The following MITD1 variants were observed in gnomAD, a reference collection of about 807,000 sequenced individuals.
MITD1 encodes MIT domain-containing protein 1.
MITD1 carries 24 observed loss-of-function variants against 34.9 expected under a neutral mutation model. That is an observed-to-expected ratio of 0.69 (90% CI 0.50 to 0.97). MITD1 has a LOEUF of 0.97. Ranked by LOEUF, MITD1 falls within the 50% of genes least tolerant of loss-of-function variation. The pLI is 0.00. For missense variants in MITD1, 266 were observed against 294.6 expected, an observed-to-expected ratio of 0.90 and a Z score of 0.71; for synonymous variants, 102 against 101.4, an observed-to-expected ratio of 1.01 and a Z score of -0.04.
intron 5 of MITD1, 143 bp from the exon 6 acceptor site, chr2:99,169,753 G>T: frequency 1.7e-6 from 1 of 598,930 alleles, no homozygotes; most frequent in Non-Finnish European, 3.0e-6. Flanking sequence ...TCAAACCTGG[G>T]GTTCATTATG....
At chr2:99,173,819 G>C in intron 2 of MITD1, 96 bp downstream of exon 2, 2 of 773,980 alleles carry the variant, frequency 2.6e-6, no homozygotes, top group South Asian at 3.0e-5. Flanking sequence ...AACTGGTCCA[G>C]ACCACACAGA....
chr2:99,171,814 A>G, intron 2 of MITD1, 168 bp from the exon 3 acceptor site: 1 of 650,946 alleles, frequency 1.5e-6, no homozygotes, highest in South Asian at 2.2e-5. Flanking sequence ...GCAGGATGTT[A>G]CACGTACAAA....
At chr2:99,177,363 T>C (rs2093893926) in intron 1 of MITD1, among the ~76,000 whole-genome samples, 1 of 152,186 alleles carries the variant, frequency 6.6e-6, no homozygotes, top group South Asian at 2.1e-4. Context: ...AATACTGGTA[T>C]CATCTCCCTG....
chr2:99,163,161 A>C, intron 7 of MITD1: 1 of 835,992 alleles, frequency 1.2e-6, no homozygotes. Context: ...AAAAAAACCT[A>C]GTCTCTTTTA....
chr2:99,172,401 A>AT (rs1427796377), intron 2 of MITD1: 1 of 151,410 alleles, frequency 6.6e-6, no homozygotes, highest in African/African-American at 2.4e-5. Flanking sequence ...AAAAAAAAAA[A>AT]TTAATGCAGT....
intron 1 of MITD1, among the ~76,000 whole-genome samples, chr2:99,179,463 A>G (rs2093903808): frequency 1.3e-5 from 2 of 152,314 alleles, no homozygotes; most frequent in South Asian, 4.1e-4. Context: ...GTTTTCTGCA[A>G]TGCCTGGCAC....
intron 1 of MITD1, among the ~76,000 whole-genome samples, chr2:99,179,149 T>C (rs1574837561): frequency 6.6e-6 from 1 of 152,344 alleles, no homozygotes; most frequent in Non-Finnish European, 1.5e-5. Flanking sequence ...GTGACATCAT[T>C]GTCTCTGTAA....
downstream of MITD1, among the ~76,000 whole-genome samples, chr2:99,166,416 A>C (rs999606651): frequency 6.7e-6 from 1 of 148,450 alleles, no homozygotes; most frequent in South Asian, 2.2e-4. Context: ...AGCAAAAACG[A>C]TTTCAGTGGA....
In MITD1 at chr2:99,173,860, G is replaced by T. The variant is rs933811938; in HGVS notation, c.253+55C>A. On this transcript the variant is annotated intron_variant, in intron 2 of 6. Coordinates refer to ENST00000289359, the MANE Select transcript of MITD1 (RefSeq NM_138798.3). ...AAAGGGCAGGAGCCAGAAACATTGG[G>T]TGAATGGACAGTCACAGTTGTTTAT... 2.0e-5 allele frequency: 22 copies of T among 1,096,804 alleles called. 1 individual carries two copies. The South Asian group carries it at 2.7e-4, about 13-fold the overall frequency. The allele number at this position is 1,096,804 out of a possible 1,614,324, so 67.9% of individuals were successfully genotyped here. A position where few individuals can be genotyped will look rare whatever the true frequency, so the allele number is the denominator to read the frequency against.
intron 2 of MITD1, chr2:99,173,064 A>G (rs2093867305): frequency 6.4e-6 from 1 of 157,176 alleles, no homozygotes; most frequent in African/African-American, 2.4e-5. Context: ...CAAAACCACA[A>G]TGCTGGAGGT....
chr2:99,173,975 T>A lies in MITD1; in HGVS notation c.193A>T (p.Ile65Phe), dbSNP rs769364501. 1.2e-6 allele frequency: 2 copies of A among 1,604,640 alleles called. No homozygotes were observed. The highest frequency in any genetic ancestry group is 1.7e-6 in the Non-Finnish European group (2 of 1,172,768). ...NTKRCNLREK[I>F]SKYMDRAENI... ...TCCGCTCTGTCCATGTATTTGGAAA[T>A]TTTTTCTCTGAGATTACATCTCTTA... Residue 65 changes from isoleucine (I) to phenylalanine (F), a missense_variant, in exon 2 of 7, where the codon ATT (isoleucine) becomes TTT (phenylalanine). Coordinates refer to ENST00000289359, the MANE Select transcript of MITD1 (RefSeq NM_138798.3).
At chr2:99,162,282 G>T (rs1044632619) in intron 7 of MITD1, 1 of 1,612,624 alleles carries the variant, frequency 6.2e-7, no homozygotes. Context: ...AGTCTACCAT[G>T]ATATGGGTAA....
intron 1 of MITD1, chr2:99,180,616 TA>T: frequency 2.0e-6 from 1 of 503,042 alleles, no homozygotes; most frequent in Non-Finnish European, 3.6e-6. Flanking sequence ...TTTTAAAATC[TA>T]GACTAGTAGC....
At chr2:99,175,128 A>C (rs1290561193) in intron 1 of MITD1, among the ~76,000 whole-genome samples, 1 of 152,214 alleles carries the variant, frequency 6.6e-6, no homozygotes, top group East Asian at 1.9e-4. Flanking sequence ...CTTCACCTAG[A>C]TTCTCTTAAT....
downstream of MITD1, among the ~76,000 whole-genome samples, chr2:99,168,946 A>ATTTTTTTT (rs1175310553): frequency 3.6e-4 from 18 of 49,328 alleles, no homozygotes; most frequent in South Asian, 7.1e-4. Context: ...TGCCCGGCTA[A>ATTTTTTTT]TTTTTTTTTT....
chr2:99,164,452 C>T (rs11123766), downstream of MITD1, among the ~76,000 whole-genome samples: 90,928 of 151,980 alleles, frequency 0.6, 27,983 homozygotes, highest in East Asian at 0.88. Context: ...CTGGAGTAGC[C>T]GGAACTACAG....
At chr2:99,169,833 A>G (rs1486003223) in intron 5 of MITD1, among the ~76,000 whole-genome samples, 2 of 152,164 alleles carry the variant, frequency 1.3e-5, no homozygotes, top group Non-Finnish European at 2.9e-5. Context: ...TTTAATCTTG[A>G]ATTTCAGCTT....
chr2:99,166,613 A>G (rs1474133756), downstream of MITD1, among the ~76,000 whole-genome samples: 1 of 151,600 alleles, frequency 6.6e-6, no homozygotes, highest in Non-Finnish European at 1.5e-5. Context: ...AGCAGGAGAG[A>G]TTGCTCTAAG....
chr2:99,180,667 C>T (rs993473026), intron 1 of MITD1, 164 bp downstream of exon 1: 6 of 659,750 alleles, frequency 9.1e-6, no homozygotes, highest in African/African-American at 1.8e-5. Context: ...TATTAAAGAT[C>T]TAAAAGAAAG....
Sources: gnomAD v4.1 joint callset for allele counts (sites outside exome capture counted in the v4.1 genomes callset) on GRCh38, gnomAD v4.1.1 for gene constraint, MANE v1.5 for transcripts, NCBI Gene and HGNC (gene_info 2026-07-23, HGNC 2026-07-21) for gene names.